Variants in CYP2A6 observed in about 807,000 individuals in gnomAD.
The protein encoded by CYP2A6 is cytochrome P450 2A6.
Under a neutral mutation model 42.3 loss-of-function variants are expected in CYP2A6, and 27 were observed. That is an observed-to-expected ratio of 0.64 (90% CI 0.47 to 0.88). CYP2A6 has a LOEUF of 0.88. Among genes scored for constraint, CYP2A6 ranks in the 40% least tolerant of loss-of-function variants. The pLI, the probability that CYP2A6 is intolerant of heterozygous loss-of-function variation, is 0.00. For missense variants in CYP2A6, 628 were observed against 646.0 expected (o/e 0.97, Z 0.30); for synonymous variants, 238 against 246.3 (o/e 0.97, Z 0.31).
chr19:40,846,036 A>T lies in CYP2A6; in HGVS notation c.893T>A (p.Leu298His). 6.2e-7 allele frequency: 1 copy of T among 1,611,364 alleles called. No individual in the cohort carries two copies. Among genetic ancestry groups the T allele is most frequent in the Non-Finnish European group, 8.5e-7 (1 of 1,179,786 alleles). ...GACGGTCTCGGTGCCCCCAATGAAG[A>T]GGTTCAACGTGGTCATCACCAGGTT... ...LKNLVMTTLN[L>H]FIGGTETVST... The change falls in exon 6 of 9, where the codon CTC (leucine) becomes CAC (histidine). Residue 298 changes from leucine (L) to histidine (H), a missense_variant. Coordinates refer to ENST00000301141, the MANE Select transcript of CYP2A6 (RefSeq NM_000762.6).
At chr19:40,846,212 C>T in intron 5 of CYP2A6, 115 bp from the exon 6 acceptor site, 1 of 1,427,194 alleles carries the variant, frequency 7.0e-7, no homozygotes, top group South Asian at 1.4e-5. Context: ...GAAAGAGGGA[C>T]CCTAGATCTA....
chr19:40,847,699 A>G (rs971309915), intron 4 of CYP2A6, among the ~76,000 whole-genome samples: 2 of 151,574 alleles, frequency 1.3e-5, no homozygotes, highest in Non-Finnish European at 2.9e-5. Context: ...TGGTTAGGGC[A>G]GCTGTCCATG....
At chr19:40,845,222 G>C (rs766817886) in intron 7 of CYP2A6, 72 bp downstream of exon 7, 2 of 1,589,866 alleles carry the variant, frequency 1.3e-6, no homozygotes, top group Non-Finnish European at 8.6e-7. Context: ...AGCTTCTAAT[G>C]TGGGTGGGAT....
At chr19:40,849,682 A>T (rs1967184352) in intron 2 of CYP2A6, 136 bp downstream of exon 2, 1 of 1,489,502 alleles carries the variant, frequency 6.7e-7, no homozygotes, top group Admixed American at 2.1e-5. Flanking sequence ...GCCACAATGA[A>T]GGGAGATGGG....
At chr19:40,844,544 C>A in intron 8 of CYP2A6, 87 bp downstream of exon 8, 1 of 1,604,332 alleles carries the variant, frequency 6.2e-7, no homozygotes, top group Non-Finnish European at 8.5e-7. Context: ...TGGAGAAATA[C>A]CAGGCTACAC....
At chr19:40,844,882 C>G (rs28399459) in intron 7 of CYP2A6, 110 bp from the exon 8 acceptor site, 29,082 of 1,412,482 alleles carry the variant, frequency 0.021, 493 homozygotes, top group Non-Finnish European at 0.023. Flanking sequence ...AAGTGGCAGG[C>G]ATGGAGGAGT....
chr19:40,850,132 CTCCAAAACTCCATTTCCTAAGA>C, intron 1 of CYP2A6, 93 bp downstream of exon 1: 1 of 1,528,004 alleles, frequency 6.5e-7, no homozygotes, highest in East Asian at 2.4e-5. Flanking sequence ...GATGCTGAAA[CTCCAAAACTCCATTTCCTAAGA>C]CTCTGGTCCA....
Position 40,844,906 on chromosome 19 carries a change from T to A in CYP2A6, c.1162-134A>T, listed in dbSNP as rs28399457. On this transcript the variant is annotated intron_variant, in intron 7 of 8. Transcript: ENST00000301141. ...GCATGGAGGAGTTGGGGTCCTCTGA[T>A]GGAGGAGCTTTGGGGGATAGAAGGT... is the stretch of plus-strand genomic sequence containing the variant. 136 of 1,164,698 alleles carry A rather than the reference T, an allele frequency of 1.2e-4. No individual in the cohort carries two copies. In the Middle Eastern group the frequency reaches 1.5e-3, roughly 13 times the overall value. The allele number at this position is 1,164,698 out of a possible 1,614,324, so 72.1% of individuals were successfully genotyped here.
At position 40,845,323 on chromosome 19, in the gene CYP2A6, TG is replaced by T; in HGVS notation, c.1131del (p.Asp377GlufsTer23). 6.2e-7 allele frequency: 1 copy of T among 1,611,506 alleles called. No homozygotes were observed. Among genetic ancestry groups the T allele is most frequent in the Non-Finnish European group, 8.5e-7 (1 of 1,179,844 alleles). On this transcript the variant is annotated frameshift_variant, in exon 7 of 9. Transcript: ENST00000301141. LOFTEE classifies it high-confidence loss of function. ...PMSLARRVKKDTKFRDFFLPK... is the reference protein window; with the variant it reads ...PMSLARRVKKXTKFRDFFLPK... Reference sequence around the variant, plus strand: ...GGGAGGAAGAAATCCCGAAACTTGGTGTCCTTTTTGACTCTGCGGGCCAAAC... The same window carrying T: ...GGGAGGAAGAAATCCCGAAACTTGGTTCCTTTTTGACTCTGCGGGCCAAAC...
At chr19:40,848,054 T>C (rs1284507013) in intron 4 of CYP2A6, among the ~76,000 whole-genome samples, 165 bp downstream of exon 4, 2 of 150,694 alleles carry the variant, frequency 1.3e-5, no homozygotes, top group African/African-American at 4.9e-5. Flanking sequence ...GTATTGGACA[T>C]CCATCCTGGG....
chr19:40,845,396 C>T lies in CYP2A6; in HGVS notation c.1059G>A (p.Glu353=). ...ATCTTTGGATCTCGTGGATCACTGCCTCCATGTAGGGCATCTTGGCCCGGT... is the reference window on the plus strand; with the variant it reads ...ATCTTTGGATCTCGTGGATCACTGCTTCCATGTAGGGCATCTTGGCCCGGT... ...FEDRAKMPYM[E]AVIHEIQRFG... is the part of the protein sequence containing the mutation. The change falls in exon 7 of 9, where the codon GAG becomes GAA. Residue 353 remains glutamate (E), a synonymous_variant. Coordinates refer to ENST00000301141, the MANE Select transcript of CYP2A6 (RefSeq NM_000762.6). The T allele has an allele frequency of 6.2e-7, 1 of 1,611,832 alleles. No individual in the cohort carries two copies. The highest frequency in any genetic ancestry group is 8.5e-7 in the Non-Finnish European group (1 of 1,179,920).
chr19:40,846,417 C>T (rs1206098230), intron 5 of CYP2A6, among the ~76,000 whole-genome samples: 1 of 151,044 alleles, frequency 6.6e-6, no homozygotes, highest in South Asian at 2.1e-4. Context: ...AACTCCTGAG[C>T]TCAAGCAATC....
At chr19:40,847,631 G>T (rs1967121935) in intron 4 of CYP2A6, among the ~76,000 whole-genome samples, 1 of 151,558 alleles carries the variant, frequency 6.6e-6, no homozygotes, top group Admixed American at 6.6e-5. Flanking sequence ...AAGGGTTGGG[G>T]AACACTTATT....
rs28399435 is a variant in CYP2A6, at chr19:40,850,341, C to A, written c.86G>T (p.Ser29Ile). Residue 29 changes from serine to isoleucine, a missense_variant, in exon 1 of 9, where the codon AGC becomes ATC. Ser to Ile is a moderately radical substitution (Grantham distance 142, BLOSUM62 -2). This residue lies in a region of CYP2A6 where 606 missense variants were observed against 568.1 expected (regional missense o/e 1.07). Transcript: ENST00000301141. ...GGGTCCCGGAGGCAGCTTCCCCTTG[C>A]TCTTCCTCTGCTGCCAAACAGACAT... ...VLMSVWQQRKSKGKLPPGPTP... is the reference protein window; with the variant it reads ...VLMSVWQQRKIKGKLPPGPTP... 2 of 1,610,144 alleles carry A rather than the reference C, an allele frequency of 1.2e-6. No individual in the cohort carries two copies. Among genetic ancestry groups the A allele is most frequent in the Non-Finnish European group, 8.5e-7 (1 of 1,178,844 alleles).
chr19:40,848,838 C>G, intron 2 of CYP2A6, 75 bp from the exon 3 acceptor site: 1 of 1,524,586 alleles, frequency 6.6e-7, no homozygotes, highest in Non-Finnish European at 8.9e-7. Context: ...CCAAGGGGCT[C>G]CCCAAGGGTG....
At position 40,844,763 on chromosome 19, in the gene CYP2A6, C is replaced by T. The variant is rs767791200; in HGVS notation, c.1171G>A (p.Val391Met). 11 of 1,610,766 alleles carry T rather than the reference C, an allele frequency of 6.8e-6. No homozygotes were observed. Among genetic ancestry groups the T allele is most frequent in the Non-Finnish European group, 9.3e-6 (11 of 1,179,486 alleles). The change falls in exon 8 of 9, where the codon GTG (valine) becomes ATG (methionine). Residue 391 changes from valine to methionine, a missense_variant. By Grantham distance (21) the Val-to-Met change is conservative. This residue lies in a region of CYP2A6 where 606 missense variants were observed against 568.1 expected (regional missense o/e 1.07). Coordinates refer to ENST00000301141, the MANE Select transcript of CYP2A6 (RefSeq NM_000762.6). ...RDFFLPKGTE[V>M]YPMLGSVLRD... ...AGCACAGAGCCCAGCATAGGGTACA[C>T]TTCGGTGCCCTGGTAGGGAGGAGGA...
chr19:40,849,372 G>C (rs1967180244), intron 2 of CYP2A6, among the ~76,000 whole-genome samples: 1 of 151,404 alleles, frequency 6.6e-6, no homozygotes, highest in Non-Finnish European at 1.5e-5. Flanking sequence ...ACTGTTACCA[G>C]GAGATGGAGG....
Position 40,850,403 on chromosome 19 carries a change from C to G in CYP2A6, c.24G>C (p.Leu8=). Reference sequence around the variant, plus strand: ...CAGTCAGGCAGACCAGCAAGGCCACCAGAAGCATCCCTGAGGCCAGCATGG... The same window carrying G: ...CAGTCAGGCAGACCAGCAAGGCCACGAGAAGCATCCCTGAGGCCAGCATGG... MLASGML[L]VALLVCLTVM... Residue 8 remains leucine, a synonymous_variant, in exon 1 of 9, where the codon CTG becomes CTC. Coordinates refer to ENST00000301141, the MANE Select transcript of CYP2A6 (RefSeq NM_000762.6). 6.2e-7 allele frequency: 1 copy of G among 1,609,828 alleles called. No individual in the cohort carries two copies. Among genetic ancestry groups the G allele is most frequent in the South Asian group, 1.1e-5 (1 of 90,726 alleles).
At position 40,849,000 on chromosome 19, in the gene CYP2A6, GAGAGAGAGAGA is replaced by G. The variant is rs1599780150; in HGVS notation, c.344-248_344-238del. ...AGAAGAGAGAGAGGAGAGAGAGAGA[GAGAGAGAGAGA>G]AGAGAGAGAGGAGAGAGAGAGAGAA... On this transcript the variant is annotated intron_variant, in intron 2 of 8. Coordinates refer to ENST00000301141, the MANE Select transcript of CYP2A6 (RefSeq NM_000762.6). Among the ~76,000 whole-genome samples, 2 of 114,020 alleles carry G rather than the reference GAGAGAGAGAGA, an allele frequency of 1.8e-5. 1 individual carries two copies. Among genetic ancestry groups the G allele is most frequent in the East Asian group, 5.3e-4 (2 of 3,786 alleles). 74.8% of individuals were successfully genotyped at this position (114,020 alleles called of 152,430 possible).
Sources: allele counts gnomAD v4.1 joint callset (sites outside exome capture counted in the v4.1 genomes callset), GRCh38; gene constraint gnomAD v4.1.1; regional missense constraint gnomAD v4.1.1; transcripts MANE v1.5; gene names NCBI Gene and HGNC (gene_info 2026-07-23, HGNC 2026-07-21).